Variants in GPR39 observed in about 807,000 individuals in gnomAD.
The protein encoded by GPR39 is G protein-coupled receptor 39.
Under a neutral mutation model 18.4 loss-of-function variants are expected in GPR39, and 23 were observed. The observed-to-expected ratio is 1.25, with a 90% CI of 0.90 to 1.77. The LOEUF (loss-of-function observed/expected upper bound fraction) is 1.77, where lower values mean the gene tolerates loss of function less well. GPR39 is among the 40% of genes most tolerant of loss of function. The pLI is 0.00. For missense variants in GPR39, 647 were observed against 602.4 expected (o/e 1.07, Z -0.78); for synonymous variants, 280 against 257.9 (o/e 1.09, Z -0.82).
intron 1 of GPR39, among the ~76,000 whole-genome samples, chr2:132,498,915 CT>C (rs978868801): frequency 4.4e-4 from 67 of 151,886 alleles, no homozygotes; most frequent in Admixed American, 3.3e-4. Flanking sequence ...TGGGATTGTT[CT>C]TTTTTTTCTT....
intron 1 of GPR39, among the ~76,000 whole-genome samples, chr2:132,631,882 G>A (rs976797439): frequency 6.6e-6 from 1 of 150,894 alleles, no homozygotes; most frequent in South Asian, 2.1e-4. Context: ...GAGTGCAGTG[G>A]CACAATCTTG....
rs112634558 is a variant in GPR39 at position 132,458,198 on chromosome 2, A to C, written c.856+40300A>C. On this transcript the variant is annotated intron_variant, in intron 1 of 1. Transcript: ENST00000329321. ...TACCTCAGTTGGAAGTGCAGAAATC[A>C]CCTGTCTTCTGCATCAGTCATGCTG... is the stretch of plus-strand genomic sequence containing the variant. Among the ~76,000 whole-genome samples the C allele has an allele frequency of 1.1e-3, 171 of 152,068 alleles. 1 individual carries two copies. Among genetic ancestry groups the C allele is most frequent in the African/African-American group, 4.0e-3 (166 of 41,482 alleles).
rs116096264 is a variant in GPR39 at position 132,517,981 on chromosome 2, A to C, written c.856+100083A>C. Reference sequence around the variant, plus strand: ...TTCCTTTTTTGCTATGTTTGGGGGGAATGGTTAATTATCATTGCACTATAA... The same window carrying C: ...TTCCTTTTTTGCTATGTTTGGGGGGCATGGTTAATTATCATTGCACTATAA... On this transcript the variant is annotated intron_variant, in intron 1 of 1. Transcript: ENST00000329321. Among the ~76,000 whole-genome samples the C allele has an allele frequency of 9.5e-3, 1,448 of 151,918 alleles. 11 individuals carry two copies. Among genetic ancestry groups the C allele is most frequent in the Non-Finnish European group, 0.016 (1,081 of 67,958 alleles).
chr2:132,537,147 C>G (rs1679772551), intron 1 of GPR39, among the ~76,000 whole-genome samples: 1 of 152,204 alleles, frequency 6.6e-6, no homozygotes, highest in Admixed American at 6.5e-5. Context: ...CTAGTTGATG[C>G]AGTTTCTTCA....
intron 1 of GPR39, among the ~76,000 whole-genome samples, chr2:132,472,730 C>T (rs866548071): frequency 2.0e-5 from 3 of 152,066 alleles, no homozygotes; most frequent in South Asian, 4.1e-4. Context: ...ACCAAATATA[C>T]CACTTTAATC....
chr2:132,523,891 G>C (rs572383027), intron 1 of GPR39: 1 of 152,810 alleles, frequency 6.5e-6, no homozygotes, highest in Non-Finnish European at 1.5e-5. Context: ...CTCAGAACCT[G>C]GGGGAAGAGT....
intron 1 of GPR39, among the ~76,000 whole-genome samples, chr2:132,482,271 C>T (rs925131272): frequency 2.0e-5 from 3 of 152,152 alleles, no homozygotes; most frequent in Non-Finnish European, 4.4e-5. Context: ...CCTGATGGAC[C>T]TGAGGATTTT....
intron 1 of GPR39, among the ~76,000 whole-genome samples, chr2:132,571,153 G>A (rs1045303578): frequency 1.3e-5 from 2 of 152,152 alleles, no homozygotes; most frequent in Admixed American, 1.3e-4. Context: ...TTTAGTTTCT[G>A]ATTAAGAAGC....
rs757784055 is a variant in GPR39 at position 132,417,753 on chromosome 2, C to G, written c.711C>G (p.Ser237=). Residue 237 remains serine, a synonymous_variant, in exon 1 of 2, where the codon TCC becomes TCG. Coordinates refer to ENST00000329321, the MANE Select transcript of GPR39 (RefSeq NM_001508.3). ...AFVVYLVVLL[S]VAFMCWNMMQ... is the part of the protein sequence containing the mutation. ...TGGTCTACCTCGTGGTCCTGCTCTC[C>G]GTAGCCTTCATGTGCTGGAACATGA... 2.5e-6 allele frequency: 4 copies of G among 1,614,220 alleles called. No individual in the cohort carries two copies. Among genetic ancestry groups the G allele is most frequent in the Non-Finnish European group, 3.4e-6 (4 of 1,180,042 alleles).
chr2:132,631,555 G>C (rs1188274794), intron 1 of GPR39, among the ~76,000 whole-genome samples: 1 of 152,154 alleles, frequency 6.6e-6, no homozygotes, highest in East Asian at 1.9e-4. Flanking sequence ...CACAGTGTGA[G>C]CCTGGCTCCT....
intron 1 of GPR39, among the ~76,000 whole-genome samples, chr2:132,468,889 T>TTGTCAC (rs2104781701): frequency 6.6e-6 from 1 of 152,296 alleles, no homozygotes; most frequent in Admixed American, 6.5e-5. Flanking sequence ...GTGAGATACA[T>TTGTCAC]TGTCACGTAG....
chr2:132,492,825 T>C (rs999836208), intron 1 of GPR39, among the ~76,000 whole-genome samples: 12 of 138,626 alleles, frequency 8.7e-5, no homozygotes, highest in African/African-American at 1.9e-4. Flanking sequence ...ACCATATATA[T>C]ACCATATACA....
chr2:132,492,024 A>G (rs778579212), intron 1 of GPR39, among the ~76,000 whole-genome samples: 1 of 148,064 alleles, frequency 6.8e-6, no homozygotes, highest in Non-Finnish European at 1.5e-5. Context: ...TACACAGCAC[A>G]TATATATACA....
intron 1 of GPR39, among the ~76,000 whole-genome samples, chr2:132,463,672 G>A (rs1044253283): frequency 6.6e-6 from 1 of 152,104 alleles, no homozygotes; most frequent in Non-Finnish European, 1.5e-5. Context: ...GAGGTTCAAG[G>A]AAAACAAGCC....
chr2:132,471,382 A>G (rs142572377), intron 1 of GPR39, among the ~76,000 whole-genome samples: 8 of 152,026 alleles, frequency 5.3e-5, no homozygotes, highest in African/African-American at 1.9e-4. Flanking sequence ...GCCACATGGT[A>G]GATAGAGCTT....
At chr2:132,501,015 T>C (rs1463790143) in intron 1 of GPR39, among the ~76,000 whole-genome samples, 1 of 151,558 alleles carries the variant, frequency 6.6e-6, no homozygotes, top group African/African-American at 2.4e-5. Flanking sequence ...TTTACTTATC[T>C]TTTTAAAGAA....
chr2:132,592,746 A>T (rs1163451034), intron 1 of GPR39, among the ~76,000 whole-genome samples: 1 of 152,218 alleles, frequency 6.6e-6, no homozygotes, highest in Non-Finnish European at 1.5e-5. Flanking sequence ...AAGTGATTGG[A>T]TGCTAAAACT....
At chr2:132,611,156 T>G (rs2104850071) in intron 1 of GPR39, among the ~76,000 whole-genome samples, 2 of 152,348 alleles carry the variant, frequency 1.3e-5, no homozygotes, top group East Asian at 3.9e-4. Flanking sequence ...GTTCCCTTTT[T>G]AATTCTCTGG....
chr2:132,457,751 G>A (rs2104774996), intron 1 of GPR39, among the ~76,000 whole-genome samples: 1 of 152,356 alleles, frequency 6.6e-6, no homozygotes, highest in Middle Eastern at 3.4e-3. Context: ...GTGGAGTCTA[G>A]AGGCAGTAGG....
Sources: gnomAD v4.1 joint callset for allele counts (sites outside exome capture counted in the v4.1 genomes callset) on GRCh38, gnomAD v4.1.1 for gene constraint, MANE v1.5 for transcripts, NCBI Gene and HGNC (gene_info 2026-07-23, HGNC 2026-07-21) for gene names.